Variants in PITPNM3 observed in about 807,000 individuals in gnomAD.
The protein encoded by PITPNM3 is membrane-associated phosphatidylinositol transfer protein 3.
In PITPNM3, 26 loss-of-function variants were observed where a neutral mutation model predicts 102.0. The observed-to-expected ratio is 0.25, with a 90% confidence interval of 0.19 to 0.35. The LOEUF is 0.35. Among genes scored for constraint, PITPNM3 ranks in the 10% least tolerant of loss-of-function variants. PITPNM3 has a pLI of 1.00. For synonymous variants in PITPNM3, 578 were observed against 558.6 expected (o/e 1.03, Z -0.49); for missense variants, 1,083 against 1,346.1 (o/e 0.80, Z 3.06).
rs371826277 is a variant in PITPNM3 at position 6,545,916 on chromosome 17, G to A, written c.23-7834C>T. 2.0e-4 allele frequency among the ~76,000 whole-genome samples: 30 copies of A among 152,326 alleles called. No individual in the cohort carries two copies. In the East Asian group the frequency reaches 4.4e-3, roughly 23 times the overall value. On this transcript the variant is annotated intron_variant, in intron 1 of 19. Transcript: ENST00000262483. ...CTATCCTGTGCCAGGTCAGGGCTGGGCACACAGAAGGCTCTTGTCAGGCTC... is the reference window on the plus strand; with the variant it reads ...CTATCCTGTGCCAGGTCAGGGCTGGACACACAGAAGGCTCTTGTCAGGCTC...
At position 6,556,281 on chromosome 17, in the gene PITPNM3, C is replaced by T; in HGVS notation, c.22+104G>A. Reference sequence around the variant, plus strand: ...CGCCCCCTACGCCCTCCCGGGACCTCCGCCCACCTGCGCGAGGGGTTCACC... The same window carrying T: ...CGCCCCCTACGCCCTCCCGGGACCTTCGCCCACCTGCGCGAGGGGTTCACC... On this transcript the variant is annotated intron_variant, in intron 1 of 19. Coordinates refer to ENST00000262483, the MANE Select transcript of PITPNM3 (RefSeq NM_031220.4). This position sits in a 1 kb window ranked among gnomAD's most constrained non-coding sequence, Gnocchi z 5.2. The T allele has an allele frequency of 9.5e-7, 1 of 1,050,084 alleles. No individual in the cohort carries two copies. Among genetic ancestry groups the T allele is most frequent in the Non-Finnish European group, 1.3e-6 (1 of 783,050 alleles). 65.0% of individuals were successfully genotyped at this position (1,050,084 alleles called of 1,614,324 possible). A position where few individuals can be genotyped will look rare whatever the true frequency, so the allele number is the denominator to read the frequency against.
rs572416193 is a variant in PITPNM3, at chr17:6,543,286, A to G, written c.23-5204T>C. ...CTCCCTAGCATGGGTGCAGCCAAAGACTCTGCTCAGATCGTCAGCTCCTCC... is the reference window on the plus strand; with the variant it reads ...CTCCCTAGCATGGGTGCAGCCAAAGGCTCTGCTCAGATCGTCAGCTCCTCC... On this transcript the variant is annotated intron_variant, in intron 1 of 19. Transcript: ENST00000262483. Among the ~76,000 whole-genome samples the G allele has an allele frequency of 6.6e-5, 10 of 152,060 alleles. 1 individual carries two copies. In the South Asian group the frequency reaches 1.9e-3, roughly 28 times the overall value.
chr17:6,518,304 C>T (rs1287277258), intron 3 of PITPNM3, among the ~76,000 whole-genome samples: 2 of 152,130 alleles, frequency 1.3e-5, no homozygotes, highest in African/African-American at 2.4e-5. Context: ...TATCCAAACC[C>T]TGTGGAATGT....
chr17:6,518,209 C>T (rs1259250609), intron 3 of PITPNM3, among the ~76,000 whole-genome samples: 2 of 152,170 alleles, frequency 1.3e-5, no homozygotes, highest in African/African-American at 4.8e-5. Flanking sequence ...GATTCTTGTA[C>T]ATGGCTCTCA....
In PITPNM3 at chr17:6,455,605, C is replaced by CTT; in HGVS notation, c.2657_2658insAA (p.Glu887ArgfsTer16). ...TTGGGCGTGAGCGGTGGCTGGCCTC[C>CTT]AGCGCGGCCAGGTGTGCGGCGTAGC... On this transcript the variant is annotated frameshift_variant, in exon 20 of 20. Transcript: ENST00000262483. LOFTEE classifies it high-confidence loss of function. 6.3e-7 allele frequency: 1 copy of CTT among 1,587,318 alleles called. No homozygotes were observed. The highest frequency in any genetic ancestry group is 2.3e-5 in the East Asian group (1 of 44,264).
chr17:6,489,566 T>C (rs1259473890), intron 4 of PITPNM3, among the ~76,000 whole-genome samples: 1 of 151,726 alleles, frequency 6.6e-6, no homozygotes, highest in Admixed American at 6.6e-5. Context: ...GGATGGTCTC[T>C]TTGTTCTTAC....
Position 6,455,494 on chromosome 17 carries a change from C to T in PITPNM3, c.2769G>A (p.Leu923=), listed in dbSNP as rs550390466. 1.9e-6 allele frequency: 3 copies of T among 1,606,064 alleles called. No homozygotes were observed. The highest frequency in any genetic ancestry group is 2.2e-5 in the East Asian group (1 of 44,642). The change falls in exon 20 of 20, where the codon CTG becomes CTA. Residue 923 remains leucine (L), a synonymous_variant. Transcript: ENST00000262483. ...QPEFLRKRNH[L]RRTMSVQQPD... is the part of the protein sequence containing the mutation. The stretch of plus-strand genomic sequence containing the variant: ...GCTGCTGCACTGACATGGTTCTGCG[C>T]AGGTGGTTGCGCTTCCGCAGGAACT...
Position 6,457,648 on chromosome 17 carries a change from G to A in PITPNM3, c.2565C>T (p.Ala855=). The change falls in exon 19 of 20, where the codon GCC becomes GCT. Residue 855 remains alanine (A), a synonymous_variant. Coordinates refer to ENST00000262483, the MANE Select transcript of PITPNM3 (RefSeq NM_031220.4). The surrounding 1 kb of genome is among the most constrained non-coding windows in gnomAD (Gnocchi z 4.7). The stretch of plus-strand genomic sequence containing the variant: ...GCCGGCCCACAATGAAGATCTGGGA[G>A]GCAGGCAGGCCCAGCACGCTGTAGA... The part of the protein sequence containing the change: ...ISVYSVLGLP[A]SQIFIVGRPT... 1 of 1,612,146 alleles carries A rather than the reference G, an allele frequency of 6.2e-7. No individual in the cohort carries two copies. The highest frequency in any genetic ancestry group is 8.5e-7 in the Non-Finnish European group (1 of 1,179,396).
At chr17:6,491,139 GGCTCC>G (rs1316063140) in intron 4 of PITPNM3, among the ~76,000 whole-genome samples, 1 of 148,778 alleles carries the variant, frequency 6.7e-6, no homozygotes, top group African/African-American at 2.5e-5. Flanking sequence ...GGGGAGCAGT[GGCTCC>G]CAGAGCTCTG....
chr17:6,463,998 T>C (rs1904632513), intron 16 of PITPNM3, 117 bp from the exon 17 acceptor site: 1 of 1,542,834 alleles, frequency 6.5e-7, no homozygotes, highest in Non-Finnish European at 8.9e-7. Context: ...AGAGAGCACC[T>C]GGGTGGCATC....
At chr17:6,505,865 C>T (rs953079884) in intron 3 of PITPNM3, among the ~76,000 whole-genome samples, 2 of 152,118 alleles carry the variant, frequency 1.3e-5, no homozygotes, top group African/African-American at 2.4e-5. Context: ...GAGGCGAGAC[C>T]GGCGGGGAGA....
At chr17:6,547,117 G>A (rs77396904) in intron 1 of PITPNM3, among the ~76,000 whole-genome samples, 3,544 of 152,274 alleles carry the variant, frequency 0.023, 65 homozygotes, top group Non-Finnish European at 0.037. Context: ...AGTAAGAAAG[G>A]ACTCACGATT....
chr17:6,526,340 G>T (rs1432662311), intron 2 of PITPNM3, among the ~76,000 whole-genome samples: 1 of 152,192 alleles, frequency 6.6e-6, no homozygotes, highest in Non-Finnish European at 1.5e-5. Flanking sequence ...AAACCCTTAG[G>T]CATGTGTGCT....
At chr17:6,515,462 A>G (rs1314979455) in intron 3 of PITPNM3, among the ~76,000 whole-genome samples, 1 of 151,954 alleles carries the variant, frequency 6.6e-6, no homozygotes, top group Admixed American at 6.6e-5. Context: ...TAATGGTGAT[A>G]GTTGCATCCC....
intron 6 of PITPNM3, chr17:6,481,738 T>G (rs1905680821): frequency 7.1e-6 from 1 of 140,002 alleles, no homozygotes; most frequent in South Asian, 2.5e-4. Flanking sequence ...ATAGATCAGA[T>G]GATAGATAGA....
At chr17:6,525,562 T>G in intron 2 of PITPNM3, 99 bp from the exon 3 acceptor site, 1 of 884,662 alleles carries the variant, frequency 1.1e-6, no homozygotes, top group South Asian at 1.3e-5. Context: ...TTGTCCTATT[T>G]CTTCCTTGAG....
chr17:6,498,916 T>A (rs543525076), intron 4 of PITPNM3, among the ~76,000 whole-genome samples: 2 of 151,852 alleles, frequency 1.3e-5, no homozygotes, highest in Non-Finnish European at 2.9e-5. Context: ...CGGAGCAGCA[T>A]GAACAAGGCA....
intron 17 of PITPNM3, among the ~76,000 whole-genome samples, chr17:6,462,099 C>T (rs542524443): frequency 1.6e-4 from 24 of 152,296 alleles, no homozygotes; most frequent in Admixed American, 5.2e-4. Flanking sequence ...CAACCTCCCA[C>T]GGTTTCAGTT....
chr17:6,533,362 C>T (rs1465791734), intron 2 of PITPNM3, among the ~76,000 whole-genome samples: 1 of 152,188 alleles, frequency 6.6e-6, no homozygotes, highest in African/African-American at 2.4e-5. Context: ...TGATGAATGA[C>T]GTGGAGCATC....
Sources: allele counts gnomAD v4.1 joint callset (sites outside exome capture counted in the v4.1 genomes callset), GRCh38; gene constraint gnomAD v4.1.1; non-coding constraint Gnocchi (gnomAD v3.1); transcripts MANE v1.5; gene names NCBI Gene and HGNC (gene_info 2026-07-23, HGNC 2026-07-21).